CAMTA1: variants seen among roughly 807,000 people sequenced by gnomAD.
The protein encoded by CAMTA1 is calmodulin-binding transcription activator 1.
CAMTA1 carries 27 observed loss-of-function variants against 170.9 expected under a neutral mutation model. That is an observed-to-expected ratio of 0.16 (90% CI 0.12 to 0.22). The LOEUF (loss-of-function observed/expected upper bound fraction) is 0.22, where lower values mean the gene tolerates loss of function less well. Among genes scored for constraint, CAMTA1 ranks in the 10% least tolerant of loss-of-function variants. The pLI is 1.00. For synonymous variants in CAMTA1, 833 were observed against 891.5 expected, an observed-to-expected ratio of 0.93 and a Z score of 1.17; for missense variants, 1,619 against 2,217.2, an observed-to-expected ratio of 0.73 and a Z score of 5.42.
chr1:7,569,922 G>A (rs1007709639), intron 6 of CAMTA1, among the ~76,000 whole-genome samples: 8 of 152,190 alleles, frequency 5.3e-5, no homozygotes, highest in Admixed American at 5.2e-4. Flanking sequence ...CCCTTAGTCA[G>A]GAAACACCCA....
chr1:7,150,802 T>A (rs531852517), intron 4 of CAMTA1, among the ~76,000 whole-genome samples: 1 of 152,324 alleles, frequency 6.6e-6, no homozygotes, highest in East Asian at 1.9e-4. Context: ...ATGACCTGGC[T>A]CCTGGTCAGA....
chr1:7,737,278 C>T lies in CAMTA1; in HGVS notation c.3366C>T (p.His1122=). ...AGATGTGGGCGTGTGCCCTAGGGCA[C>T]TTGGAAGCTGCCGTCGTGCTGTACA... is the stretch of plus-strand genomic sequence containing the variant. The part of the protein sequence containing the change: ...TPLMWACALG[H]LEAAVVLYKW... Residue 1122 remains histidine, a synonymous_variant, in exon 15 of 23, where the codon CAC becomes CAT. Coordinates refer to ENST00000303635, the MANE Select transcript of CAMTA1 (RefSeq NM_015215.4). 6.2e-7 allele frequency: 1 copy of T among 1,614,014 alleles called. No individual in the cohort carries two copies. Among genetic ancestry groups the T allele is most frequent in the Non-Finnish European group, 8.5e-7 (1 of 1,179,976 alleles).
intron 11 of CAMTA1, among the ~76,000 whole-genome samples, chr1:7,706,244 G>C (rs767588284): frequency 4.6e-5 from 7 of 152,208 alleles, no homozygotes; most frequent in East Asian, 1.9e-4. Context: ...CTCAGTAAAC[G>C]TGAGAGGTGC....
At position 7,692,807 on chromosome 1, in the gene CAMTA1, C is replaced by T. The variant is rs375979938; in HGVS notation, c.2914+15074C>T. The stretch of plus-strand genomic sequence containing the variant: ...GCCCGTCCACCCACCTGTCATTCAG[C>T]AGTACCTGCTAGAACCAAGGCTTTA... On this transcript the variant is annotated intron_variant, in intron 11 of 22. Coordinates refer to ENST00000303635, the MANE Select transcript of CAMTA1 (RefSeq NM_015215.4). 1.3e-4 allele frequency among the ~76,000 whole-genome samples: 20 copies of T among 152,338 alleles called. 2 individuals carry two copies. Among genetic ancestry groups the T allele is most frequent in the African/African-American group, 4.8e-4 (20 of 41,590 alleles).
intron 5 of CAMTA1, among the ~76,000 whole-genome samples, chr1:7,335,396 G>A (rs923101824): frequency 2.6e-5 from 4 of 152,286 alleles, no homozygotes; most frequent in East Asian, 1.9e-4. Flanking sequence ...TCAAATGACC[G>A]TTTACTCAGC....
intron 3 of CAMTA1, among the ~76,000 whole-genome samples, chr1:7,072,226 G>T (rs1351727617): frequency 6.6e-6 from 1 of 152,138 alleles, no homozygotes; most frequent in African/African-American, 2.4e-5. Flanking sequence ...CCACATGGGG[G>T]CTTATACCAT....
chr1:7,557,036 G>T (rs542810771), intron 6 of CAMTA1, among the ~76,000 whole-genome samples: 15 of 152,240 alleles, frequency 9.9e-5, no homozygotes, highest in African/African-American at 3.4e-4. Flanking sequence ...AGCCAGGCGC[G>T]GTGGCTCACA....
At chr1:7,756,086 T>C (rs2096929483) in intron 22 of CAMTA1, among the ~76,000 whole-genome samples, 2 of 152,130 alleles carry the variant, frequency 1.3e-5, no homozygotes, top group Admixed American at 1.3e-4. Context: ...TTGTCAAAAT[T>C]TCTAAAGCAA....
At chr1:7,566,438 C>T (rs1011638352) in intron 6 of CAMTA1, among the ~76,000 whole-genome samples, 3 of 152,134 alleles carry the variant, frequency 2.0e-5, no homozygotes, top group Non-Finnish European at 4.4e-5. Context: ...CAGGCAGGCA[C>T]TGCACAGAAT....
At chr1:7,742,345 A>T (rs1290333738) in intron 16 of CAMTA1, among the ~76,000 whole-genome samples, 1 of 152,072 alleles carries the variant, frequency 6.6e-6, no homozygotes, top group African/African-American at 2.4e-5. Context: ...CAAAATCAGA[A>T]GGCTTGATTT....
intron 3 of CAMTA1, among the ~76,000 whole-genome samples, chr1:6,989,682 G>A (rs1215153858): frequency 6.6e-6 from 1 of 152,180 alleles, no homozygotes; most frequent in Non-Finnish European, 1.5e-5. Context: ...TGGCAGGGGT[G>A]TACTGGAATG....
At chr1:7,657,214 G>A (rs1427882020) in intron 7 of CAMTA1, among the ~76,000 whole-genome samples, 1 of 152,184 alleles carries the variant, frequency 6.6e-6, no homozygotes, top group East Asian at 1.9e-4. Context: ...TCTTCTCTCT[G>A]GTACTTCCCC....
At chr1:7,136,871 G>C (rs186029808) in intron 4 of CAMTA1, among the ~76,000 whole-genome samples, 1 of 152,280 alleles carries the variant, frequency 6.6e-6, no homozygotes, top group African/African-American at 2.4e-5. Flanking sequence ...CCAGGGTTCG[G>C]TCATCATCTT....
chr1:6,868,699 G>A (rs1667490012), intron 3 of CAMTA1, among the ~76,000 whole-genome samples: 1 of 152,148 alleles, frequency 6.6e-6, no homozygotes, highest in Non-Finnish European at 1.5e-5. Context: ...GTTGGAAAAG[G>A]TATCCCTATA....
chr1:7,320,727 T>C (rs1416919924), intron 5 of CAMTA1, among the ~76,000 whole-genome samples: 1 of 149,564 alleles, frequency 6.7e-6, no homozygotes, highest in Non-Finnish European at 1.5e-5. Context: ...TTTGCTTGCC[T>C]TTTCCCTCAT....
At position 7,663,356 on chromosome 1, in the gene CAMTA1, C is replaced by A; in HGVS notation, c.809C>A (p.Ala270Asp). ...TGTTGTGTTCCGATCTCCGCAGGAG[C>A]TGGCGGCAGCGTGCATCACAAGTGT... ...HNCLCTGSLG[A>D]GGSVHHKCNS... is the part of the protein sequence containing the mutation. The change falls in exon 9 of 23, where the codon GCT becomes GAT. Residue 270 changes from alanine (A) to aspartate (D), a missense_variant. Coordinates refer to ENST00000303635, the MANE Select transcript of CAMTA1 (RefSeq NM_015215.4). The A allele has an allele frequency of 6.6e-7, 1 of 1,525,334 alleles. No homozygotes were observed. Among genetic ancestry groups the A allele is most frequent in the Non-Finnish European group, 8.8e-7 (1 of 1,134,290 alleles). 94.5% of individuals were successfully genotyped at this position (1,525,334 alleles called of 1,614,324 possible).
At chr1:7,386,486 A>G (rs2088005010) in intron 5 of CAMTA1, among the ~76,000 whole-genome samples, 1 of 152,130 alleles carries the variant, frequency 6.6e-6, no homozygotes, top group Non-Finnish European at 1.5e-5. Flanking sequence ...CTGGGCCCTC[A>G]GCCTGCTCGG....
intron 3 of CAMTA1, among the ~76,000 whole-genome samples, chr1:6,898,476 C>T (rs887963315): frequency 3.9e-5 from 6 of 152,260 alleles, no homozygotes; most frequent in Non-Finnish European, 7.4e-5. Context: ...TGGTGTGAAC[C>T]CAGGAGGCGG....
chr1:7,756,104 C>T (rs1319579203), intron 22 of CAMTA1, among the ~76,000 whole-genome samples: 1 of 151,756 alleles, frequency 6.6e-6, no homozygotes, highest in Non-Finnish European at 1.5e-5. Context: ...CAAGGAGGCT[C>T]ACTAGGAGGT....
Sources: allele counts gnomAD v4.1 joint callset (sites outside exome capture counted in the v4.1 genomes callset), GRCh38; gene constraint gnomAD v4.1.1; transcripts MANE v1.5; gene names NCBI Gene and HGNC (gene_info 2026-07-23, HGNC 2026-07-21).